GRIK1: variants seen among roughly 807,000 people sequenced by gnomAD.
GRIK1 encodes the protein glutamate ionotropic receptor kainate type subunit 1.
GRIK1 carries 69 observed loss-of-function variants against 105.7 expected under a neutral mutation model. The observed-to-expected ratio is 0.65, with a 90% confidence interval of 0.54 to 0.80. The LOEUF is 0.80. Among genes scored for constraint, GRIK1 ranks in the 30% least tolerant of loss-of-function variants. The pLI is 0.00. For missense variants in GRIK1, 1,109 were observed against 1,167.3 expected (o/e 0.95, Z 0.73); for synonymous variants, 438 against 431.3 (o/e 1.02, Z -0.19).
chr21:29,840,703 T>A (rs2067953005), intron 1 of GRIK1, among the ~76,000 whole-genome samples: 1 of 152,210 alleles, frequency 6.6e-6, no homozygotes, highest in Non-Finnish European at 1.5e-5. Flanking sequence ...TAATATTTTT[T>A]TACACTGTGT....
intron 1 of GRIK1, among the ~76,000 whole-genome samples, chr21:29,735,931 A>G (rs933568514): frequency 6.6e-6 from 1 of 152,184 alleles, no homozygotes; most frequent in African/African-American, 2.4e-5. Flanking sequence ...AAGTGAAAGA[A>G]GTTAAGCAAG....
chr21:29,884,861 A>G (rs1437419229), intron 1 of GRIK1, among the ~76,000 whole-genome samples: 1 of 152,044 alleles, frequency 6.6e-6, no homozygotes, highest in Non-Finnish European at 1.5e-5. Context: ...GGAATCTTCA[A>G]CAGACATCCA....
chr21:29,870,224 T>C (rs1299824892), intron 1 of GRIK1, among the ~76,000 whole-genome samples: 2 of 152,082 alleles, frequency 1.3e-5, no homozygotes, highest in Non-Finnish European at 2.9e-5. Flanking sequence ...TACATATCCA[T>C]TCCCTCTGTT....
chr21:29,701,206 C>A (rs1044730187), intron 1 of GRIK1, among the ~76,000 whole-genome samples: 1 of 152,130 alleles, frequency 6.6e-6, no homozygotes. Flanking sequence ...TGCCAGTGAG[C>A]AACAGATACG....
Position 29,537,809 on chromosome 21 carries a change from C to G in GRIK1, c.2683G>C (p.Gly895Arg), listed in dbSNP as rs768409313. Residue 895 changes from glycine (G) to arginine (R), a missense_variant, in exon 17 of 18, where the codon GGT becomes CGT. Physicochemically the swap from Gly to Arg is moderately radical, Grantham distance 125. Transcript: ENST00000327783. ...GAAAATGAACAAACCTTCTCTACAC[C>G]AAGGCTTTGTTTTTTTCTCCCATGA... ...RFHGRKKQSL[G>R]VEKCLSFNAI... 2 of 1,502,350 alleles carry G rather than the reference C, an allele frequency of 1.3e-6. No homozygotes were observed. 93.1% of individuals were successfully genotyped at this position (1,502,350 alleles called of 1,614,324 possible). A position where few individuals can be genotyped will look rare whatever the true frequency, so the allele number is the denominator to read the frequency against.
intron 1 of GRIK1, among the ~76,000 whole-genome samples, chr21:29,928,784 G>C (rs1177842869): frequency 6.6e-6 from 1 of 152,218 alleles, no homozygotes; most frequent in African/African-American, 2.4e-5. Flanking sequence ...CTGATACCCA[G>C]GACCTAGTGG....
chr21:29,635,026 C>T (rs2245338), intron 7 of GRIK1, among the ~76,000 whole-genome samples: 31,043 of 151,992 alleles, frequency 0.2, 4,508 homozygotes, highest in African/African-American at 0.41. Context: ...GCTATTTTAA[C>T]AGTCCAGGTG....
At chr21:29,771,991 C>T (rs1159580793) in intron 1 of GRIK1, among the ~76,000 whole-genome samples, 1 of 152,230 alleles carries the variant, frequency 6.6e-6, no homozygotes, top group Non-Finnish European at 1.5e-5. Flanking sequence ...CCAAGTCCCC[C>T]AGTTGTTTGA....
intron 1 of GRIK1, among the ~76,000 whole-genome samples, chr21:29,874,180 G>A (rs2069114879): frequency 6.6e-6 from 1 of 152,106 alleles, no homozygotes; most frequent in Non-Finnish European, 1.5e-5. Flanking sequence ...CCCTGCTATC[G>A]ACCACTGAAA....
At chr21:29,915,166 C>T (rs901433563) in intron 1 of GRIK1, among the ~76,000 whole-genome samples, 2 of 150,930 alleles carry the variant, frequency 1.3e-5, no homozygotes, top group African/African-American at 2.5e-5. Context: ...CTTTTCCACG[C>T]TATATACATG....
chr21:29,811,805 T>C (rs775829477), intron 1 of GRIK1, among the ~76,000 whole-genome samples: 4 of 152,198 alleles, frequency 2.6e-5, no homozygotes, highest in Non-Finnish European at 5.9e-5. Context: ...TTCTCCTGCC[T>C]TCTGCTGAAG....
intron 1 of GRIK1, among the ~76,000 whole-genome samples, chr21:29,793,102 GA>G (rs1177220336): frequency 1.3e-5 from 2 of 152,048 alleles, no homozygotes; most frequent in African/African-American, 4.8e-5. Flanking sequence ...AAATGGCCCA[GA>G]AAAAAACATA....
chr21:29,676,045 AACAC>A lies in GRIK1; in HGVS notation c.545-2885_545-2882del, dbSNP rs1210572513. 5.9e-5 allele frequency among the ~76,000 whole-genome samples: 9 copies of A among 152,354 alleles called. No individual in the cohort carries two copies. In the South Asian group the frequency reaches 1.9e-3, roughly 32 times the overall value. ...TATTTGGCACACTAGGCCGTTAATA[AACAC>A]ACACCCCCAAATATGACCATCAACT... On this transcript the variant is annotated intron_variant, in intron 3 of 17. Coordinates refer to ENST00000327783, the MANE Select transcript of GRIK1 (RefSeq NM_001330994.2).
intron 1 of GRIK1, among the ~76,000 whole-genome samples, chr21:29,846,452 G>GAGAGAGAGAAAGAAAGAAA (rs1472713302): frequency 8.7e-6 from 1 of 114,368 alleles, no homozygotes; most frequent in East Asian, 2.5e-4. Context: ...AAGGAAAGAA[G>GAGAGAGAGAAAGAAAGAAA]GAAAGAGAGA....
intron 13 of GRIK1, among the ~76,000 whole-genome samples, chr21:29,579,238 A>G (rs1332222502): frequency 6.6e-6 from 1 of 152,200 alleles, no homozygotes; most frequent in Admixed American, 6.5e-5. Context: ...TAGACTTCTC[A>G]ATGTTTCTTC....
intron 1 of GRIK1, among the ~76,000 whole-genome samples, chr21:29,882,178 T>G (rs145472): frequency 2.0e-5 from 3 of 151,852 alleles, no homozygotes; most frequent in Admixed American, 2.0e-4. Context: ...GAGATGGGAC[T>G]TTTGGGTGGT....
At chr21:29,722,595 A>C (rs1248487332) in intron 1 of GRIK1, among the ~76,000 whole-genome samples, 1 of 151,078 alleles carries the variant, frequency 6.6e-6, no homozygotes, top group East Asian at 1.9e-4. Context: ...AAAAAAAAAA[A>C]CTCCCAAACT....
chr21:29,695,972 C>A (rs1167189133), intron 1 of GRIK1, among the ~76,000 whole-genome samples: 1 of 152,146 alleles, frequency 6.6e-6, no homozygotes, highest in East Asian at 1.9e-4. Context: ...CATTTATGTG[C>A]ATTTTTTGTT....
At chr21:29,702,163 G>A (rs775380886) in intron 1 of GRIK1, among the ~76,000 whole-genome samples, 11 of 152,264 alleles carry the variant, frequency 7.2e-5, no homozygotes, top group Non-Finnish European at 1.5e-4. Flanking sequence ...GGTGGGAGGA[G>A]GGAGAGGATC....
Sources: allele counts gnomAD v4.1 joint callset (sites outside exome capture counted in the v4.1 genomes callset), GRCh38; gene constraint gnomAD v4.1.1; transcripts MANE v1.5; gene names NCBI Gene and HGNC (gene_info 2026-07-23, HGNC 2026-07-21).